Variants in ITGA9 observed in about 807,000 individuals in gnomAD.
ITGA9 encodes the protein integrin alpha-9.
In ITGA9, 56 loss-of-function variants were observed where a neutral mutation model predicts 127.8. The observed-to-expected ratio is 0.44, with a 90% CI of 0.35 to 0.55. The LOEUF (loss-of-function observed/expected upper bound fraction) is 0.55. Among genes scored for constraint, ITGA9 ranks in the 20% least tolerant of loss-of-function variants. The probability of loss-of-function intolerance (pLI) is 0.00; values close to 1 mark genes in which losing one functional copy is unlikely to be tolerated. For missense variants in ITGA9, 1,196 were observed against 1,347.1 expected, an observed-to-expected ratio of 0.89 and a Z score of 1.76; for synonymous variants, 508 against 514.5, an observed-to-expected ratio of 0.99 and a Z score of 0.17.
intron 18 of ITGA9, among the ~76,000 whole-genome samples, chr3:37,695,510 CAT>C (rs1700875682): frequency 6.6e-6 from 1 of 152,210 alleles, no homozygotes; most frequent in Non-Finnish European, 1.5e-5. Flanking sequence ...GGGGAATTGA[CAT>C]ATACAGATGC....
intron 15 of ITGA9, among the ~76,000 whole-genome samples, chr3:37,600,449 C>G (rs1423898624): frequency 6.6e-6 from 1 of 152,174 alleles, no homozygotes; most frequent in African/African-American, 2.4e-5. Context: ...GGCCTCTTCC[C>G]TAGCCCCACA....
intron 1 of ITGA9, among the ~76,000 whole-genome samples, chr3:37,469,255 A>G (rs1698403366): frequency 6.6e-6 from 1 of 152,202 alleles, no homozygotes; most frequent in African/African-American, 2.4e-5. Context: ...TGGAGGATAC[A>G]GAGGTTCATT....
intron 17 of ITGA9, among the ~76,000 whole-genome samples, chr3:37,677,369 G>A (rs994032330): frequency 5.3e-5 from 8 of 152,178 alleles, no homozygotes; most frequent in African/African-American, 1.9e-4. Flanking sequence ...TACCCAGAAA[G>A]AAGGTTGCCC....
chr3:37,477,125 A>T (rs1198717701), intron 3 of ITGA9, among the ~76,000 whole-genome samples: 2 of 152,250 alleles, frequency 1.3e-5, no homozygotes, highest in Non-Finnish European at 2.9e-5. Flanking sequence ...TTTCAACCCT[A>T]CCTGTCAGAG....
chr3:37,789,459 ATATT>A (rs1697078889), intron 26 of ITGA9, among the ~76,000 whole-genome samples: 1 of 152,140 alleles, frequency 6.6e-6, no homozygotes, highest in Admixed American at 6.5e-5. Context: ...AGCTCAATAT[ATATT>A]AAGAGTATGC....
At chr3:37,512,416 C>T (rs967340907) in intron 8 of ITGA9, among the ~76,000 whole-genome samples, 10 of 151,654 alleles carry the variant, frequency 6.6e-5, no homozygotes, top group Middle Eastern at 6.8e-3. Context: ...GATGGGGTTT[C>T]ACCATGTTGG....
intron 17 of ITGA9, among the ~76,000 whole-genome samples, chr3:37,678,533 GATAATA>G (rs1445977809): frequency 1.3e-5 from 2 of 152,146 alleles, no homozygotes; most frequent in East Asian, 1.9e-4. Context: ...ATACAATACC[GATAATA>G]ATAATGATGG....
At chr3:37,631,889 A>T (rs1030468877) in intron 16 of ITGA9, among the ~76,000 whole-genome samples, 1 of 152,214 alleles carries the variant, frequency 6.6e-6, no homozygotes. Flanking sequence ...CGCCTTCTCT[A>T]AAGTGTTAAA....
chr3:37,542,687 A>G (rs1035742177), intron 15 of ITGA9, 102 bp downstream of exon 15: 2 of 1,237,430 alleles, frequency 1.6e-6, no homozygotes, highest in Non-Finnish European at 2.3e-6. Context: ...GTGCTCTTCC[A>G]AAATTTTATT....
chr3:37,766,735 A>G (rs1374940616), intron 23 of ITGA9, among the ~76,000 whole-genome samples: 1 of 152,222 alleles, frequency 6.6e-6, no homozygotes, highest in Admixed American at 6.5e-5. Context: ...CTCATTTATT[A>G]CCCAAATCAA....
At chr3:37,454,163 C>T (rs1016811243) in intron 1 of ITGA9, among the ~76,000 whole-genome samples, 3 of 152,166 alleles carry the variant, frequency 2.0e-5, no homozygotes, top group Admixed American at 6.5e-5. Context: ...CCAAGCCAGC[C>T]GGAGCATTGT....
chr3:37,618,376 G>A (rs1391707999), intron 15 of ITGA9, among the ~76,000 whole-genome samples: 2 of 152,212 alleles, frequency 1.3e-5, no homozygotes, highest in East Asian at 3.8e-4. Context: ...GCCCCTACTC[G>A]GGGATGCCTC....
At chr3:37,634,006 A>G (rs980308567) in intron 16 of ITGA9, among the ~76,000 whole-genome samples, 7 of 152,228 alleles carry the variant, frequency 4.6e-5, no homozygotes, top group Non-Finnish European at 1.5e-5. Flanking sequence ...TATAAAACAA[A>G]TTAAAATGTG....
chr3:37,632,678 A>C (rs980171813), intron 16 of ITGA9, among the ~76,000 whole-genome samples: 1 of 152,214 alleles, frequency 6.6e-6, no homozygotes, highest in Non-Finnish European at 1.5e-5. Flanking sequence ...TCAAAGACAA[A>C]GGGAAAATTC....
intron 4 of ITGA9, among the ~76,000 whole-genome samples, chr3:37,484,150 T>C (rs375563876): frequency 6.6e-6 from 1 of 152,152 alleles, no homozygotes; most frequent in Non-Finnish European, 1.5e-5. Flanking sequence ...CACACACTTT[T>C]ATATGCTAAC....
intron 18 of ITGA9, among the ~76,000 whole-genome samples, chr3:37,715,803 G>A (rs1417874631): frequency 2.0e-5 from 3 of 152,338 alleles, no homozygotes; most frequent in Admixed American, 2.0e-4. Flanking sequence ...CACTGCCTCT[G>A]ACTGGCATCT....
chr3:37,650,740 A>G (rs1374760776), intron 16 of ITGA9, among the ~76,000 whole-genome samples: 1 of 151,988 alleles, frequency 6.6e-6, no homozygotes, highest in African/African-American at 2.4e-5. Context: ...CCCACCATCC[A>G]CACCCAGCCC....
intron 18 of ITGA9, among the ~76,000 whole-genome samples, chr3:37,708,294 T>C (rs1274591767): frequency 2.6e-5 from 4 of 152,186 alleles, no homozygotes; most frequent in Admixed American, 6.5e-5. Context: ...TCCAAGGCTT[T>C]TTGAAATCTA....
Position 37,746,451 on chromosome 3 carries a change from A to G in ITGA9, c.2433+2417A>G, listed in dbSNP as rs191332503. Reference sequence around the variant, plus strand: ...AAAGCATTTCCCCACCTGAAAAACAATGGCCAAAAATAATGCAGATATTAC... The same window carrying G: ...AAAGCATTTCCCCACCTGAAAAACAGTGGCCAAAAATAATGCAGATATTAC... On this transcript the variant is annotated intron_variant, in intron 22 of 27. Transcript: ENST00000264741. Among the ~76,000 whole-genome samples, 419 of 152,334 alleles carry G rather than the reference A, an allele frequency of 2.8e-3. 3 individuals carry two copies. The highest frequency in any genetic ancestry group is 4.5e-3 in the Non-Finnish European group (304 of 68,022).
Sources: gnomAD v4.1 joint callset for allele counts (sites outside exome capture counted in the v4.1 genomes callset) on GRCh38, gnomAD v4.1.1 for gene constraint, MANE v1.5 for transcripts, NCBI Gene and HGNC (gene_info 2026-07-23, HGNC 2026-07-21) for gene names.